Variants in DYNLRB1 observed in about 807,000 individuals in gnomAD.
DYNLRB1 encodes ROBL/LC7-like 1.
In DYNLRB1, 6 loss-of-function variants were observed where a neutral mutation model predicts 13.5. The ratio of observed to expected loss-of-function variants is 0.44; its 90% CI spans 0.24 to 0.88. The LOEUF (loss-of-function observed/expected upper bound fraction) is 0.88, where lower values mean the gene tolerates loss of function less well. DYNLRB1 is among the 40% of genes least tolerant of loss of function. The probability of loss-of-function intolerance (pLI) is 0.21; values close to 1 mark genes in which losing one functional copy is unlikely to be tolerated. For missense variants in DYNLRB1, 93 were observed against 127.2 expected (o/e 0.73, Z 1.29); for synonymous variants, 43 against 45.0 (o/e 0.96, Z 0.18).
intron 2 of DYNLRB1, among the ~76,000 whole-genome samples, chr20:34,533,870 C>G (rs1041319685): frequency 1.3e-5 from 2 of 151,492 alleles, no homozygotes; most frequent in Non-Finnish European, 2.9e-5. Context: ...GGTGCGATGG[C>G]TCACGTCTGT....
At chr20:34,528,337 A>G (rs1415620753) in intron 2 of DYNLRB1, among the ~76,000 whole-genome samples, 1 of 35,324 alleles carries the variant, frequency 2.8e-5, no homozygotes, top group East Asian at 5.4e-4. Context: ...AAAAAAAAAA[A>G]AAAAAAACTA....
At chr20:34,521,977 GCAGTGAGC>G (rs1462217668) in intron 1 of DYNLRB1, among the ~76,000 whole-genome samples, 1 of 152,040 alleles carries the variant, frequency 6.6e-6, no homozygotes, top group Non-Finnish European at 1.5e-5. Flanking sequence ...GGTCAAGGCT[GCAGTGAGC>G]CATGATCGAA....
chr20:34,517,060 G>A (rs1336027193), intron 1 of DYNLRB1, among the ~76,000 whole-genome samples: 1 of 152,080 alleles, frequency 6.6e-6, no homozygotes, highest in Non-Finnish European at 1.5e-5. Flanking sequence ...GGAACGGGCG[G>A]GGTCTGCTCT....
At chr20:34,536,642 C>T (rs1289973198) in intron 3 of DYNLRB1, among the ~76,000 whole-genome samples, 2 of 151,220 alleles carry the variant, frequency 1.3e-5, no homozygotes, top group African/African-American at 2.4e-5. Flanking sequence ...GTACTTGGGA[C>T]GCTGAGGCAG....
intron 3 of DYNLRB1, chr20:34,535,604 ATTAC>A (rs1184793820): frequency 4.5e-5 from 44 of 979,460 alleles, no homozygotes; most frequent in Non-Finnish European, 5.1e-5. Context: ...TCTTTGCATT[ATTAC>A]TTTTTTCTCA....
At chr20:34,522,920 G>A (rs1487801556) in intron 1 of DYNLRB1, among the ~76,000 whole-genome samples, 2 of 152,176 alleles carry the variant, frequency 1.3e-5, no homozygotes, top group Admixed American at 6.6e-5. Context: ...AAACATAGTT[G>A]CAGAAATGCT....
upstream of DYNLRB1, chr20:34,516,295 C>G: frequency 1.7e-6 from 2 of 1,189,702 alleles, no homozygotes; most frequent in Non-Finnish European, 2.3e-6. Context: ...AGCAGATTTT[C>G]CAAGAATCCT....
chr20:34,525,996 C>T (rs908477628), intron 1 of DYNLRB1, among the ~76,000 whole-genome samples: 44 of 152,264 alleles, frequency 2.9e-4, no homozygotes, highest in African/African-American at 9.6e-4. Flanking sequence ...TATTCTGCTC[C>T]CCAACAGCTG....
intron 1 of DYNLRB1, among the ~76,000 whole-genome samples, chr20:34,518,918 A>G (rs992755129): frequency 6.6e-6 from 1 of 151,050 alleles, no homozygotes. Flanking sequence ...TTTGAAACAG[A>G]GTCTTGCCCT....
intron 1 of DYNLRB1, among the ~76,000 whole-genome samples, chr20:34,521,681 G>A (rs1039568477): frequency 6.6e-6 from 1 of 151,978 alleles, no homozygotes. Flanking sequence ...TAGAGAATTG[G>A]GGAACCTTGT....
intron 3 of DYNLRB1, among the ~76,000 whole-genome samples, chr20:34,539,143 GTCTTTTACTCCAAATCATCA>G (rs2146657116): frequency 6.6e-6 from 1 of 152,306 alleles, no homozygotes; most frequent in Non-Finnish European, 1.5e-5. Flanking sequence ...TAACATCAGT[GTCTTTTACTCCAAATCATCA>G]AGCCCTAAAT....
At chr20:34,533,153 C>T (rs1980843676) in intron 2 of DYNLRB1, among the ~76,000 whole-genome samples, 1 of 152,198 alleles carries the variant, frequency 6.6e-6, no homozygotes, top group African/African-American at 2.4e-5. Flanking sequence ...AGGCACCGTC[C>T]AGTGAATAAG....
intron 3 of DYNLRB1, chr20:34,535,204 C>T (rs1001670867): frequency 3.2e-5 from 32 of 985,212 alleles, no homozygotes; most frequent in East Asian, 1.1e-4. Flanking sequence ...GGCGGAGGGG[C>T]GGAAAGCCAC....
In DYNLRB1 at chr20:34,516,447, G is replaced by C. The variant is rs766723584; in HGVS notation, c.-12G>C. ...AAGTGTTCGCTACGCGGGGCTACCG[G>C]ATCGGTCGGAAATGGTGAGCGTGCG... On this transcript the variant is annotated 5_prime_UTR_variant, in exon 1 of 4. Coordinates refer to ENST00000357156, the MANE Select transcript of DYNLRB1 (RefSeq NM_014183.4). 9 of 1,611,012 alleles carry C rather than the reference G, an allele frequency of 5.6e-6. No homozygotes were observed. The highest frequency in any genetic ancestry group is 1.7e-5 in the Admixed American group (1 of 59,870).
At chr20:34,521,293 T>C (rs2146616699) in intron 1 of DYNLRB1, among the ~76,000 whole-genome samples, 1 of 152,332 alleles carries the variant, frequency 6.6e-6, no homozygotes, top group Middle Eastern at 3.4e-3. Context: ...ATTACAGGTG[T>C]GAGCACCACG....
chr20:34,532,578 G>C (rs188351230), intron 2 of DYNLRB1, among the ~76,000 whole-genome samples: 1 of 152,200 alleles, frequency 6.6e-6, no homozygotes, highest in Non-Finnish European at 1.5e-5. Context: ...ATCGTGGTTA[G>C]ATTATAATGG....
At chr20:34,522,946 CA>C (rs1290716896) in intron 1 of DYNLRB1, among the ~76,000 whole-genome samples, 1 of 152,164 alleles carries the variant, frequency 6.6e-6, no homozygotes, top group Non-Finnish European at 1.5e-5. Flanking sequence ...TTTGTTCCTT[CA>C]GTATTTATTG....
chr20:34,537,763 G>T (rs973341816), intron 3 of DYNLRB1, among the ~76,000 whole-genome samples: 1 of 152,138 alleles, frequency 6.6e-6, no homozygotes, highest in Non-Finnish European at 1.5e-5. Context: ...TGCTGGAAGT[G>T]CCCGTTTGAG....
At chr20:34,526,482 G>GTTGT in intron 2 of DYNLRB1, 139 bp downstream of exon 2, 2 of 266,986 alleles carry the variant, frequency 7.5e-6, no homozygotes, top group Non-Finnish European at 1.3e-5. Context: ...CACCTCCAGT[G>GTTGT]TTCTTTTTTT....
Sources: gnomAD v4.1 joint callset for allele counts (sites outside exome capture counted in the v4.1 genomes callset) on GRCh38, gnomAD v4.1.1 for gene constraint, MANE v1.5 for transcripts, NCBI Gene and HGNC (gene_info 2026-07-23, HGNC 2026-07-21) for gene names.